The following EVL variants were observed in gnomAD, a reference collection of about 807,000 sequenced individuals.
EVL encodes Enah/Vasp-like.
Under a neutral mutation model 59.6 loss-of-function variants are expected in EVL, and 21 were observed. The ratio of observed to expected loss-of-function variants is 0.35; its 90% confidence interval spans 0.25 to 0.51. The LOEUF is 0.51. Among genes scored for constraint, EVL ranks in the 20% least tolerant of loss-of-function variants. EVL has a pLI of 0.97. For missense variants in EVL, 462 were observed against 546.6 expected (o/e 0.85, Z 1.54); for synonymous variants, 198 against 203.5 (o/e 0.97, Z 0.23).
intron 1 of EVL, among the ~76,000 whole-genome samples, chr14:100,023,236 A>G (rs1190989): frequency 0.37 from 53,035 of 144,940 alleles, 13,194 homozygotes; most frequent in African/African-American, 0.71. Flanking sequence ...ACACAGTCTC[A>G]CTTTGTCACC....
chr14:100,004,128 C>T (rs1217350571), intron 1 of EVL, among the ~76,000 whole-genome samples: 4 of 152,154 alleles, frequency 2.6e-5, no homozygotes, highest in South Asian at 2.1e-4. Flanking sequence ...CACTTGAACC[C>T]GGGAGGCAGA....
chr14:100,075,026 G>C (rs1022136578), intron 1 of EVL: 4 of 152,224 alleles, frequency 2.6e-5, no homozygotes, highest in Non-Finnish European at 4.4e-5. Flanking sequence ...TCTCTGACTT[G>C]ACTCCCTGTG....
chr14:100,066,626 CAG>C (rs1254485321), intron 1 of EVL: 2 of 152,158 alleles, frequency 1.3e-5, no homozygotes, highest in Non-Finnish European at 2.9e-5. Context: ...CTTTAGAAAA[CAG>C]AATGCTTTTC....
At chr14:100,030,389 A>C (rs2061295106) in intron 1 of EVL, among the ~76,000 whole-genome samples, 1 of 152,170 alleles carries the variant, frequency 6.6e-6, no homozygotes, top group South Asian at 2.1e-4. Flanking sequence ...GGCGTGAGCC[A>C]CCGCGCCCGG....
intron 6 of EVL, 53 bp downstream of exon 6, chr14:100,128,801 A>G (rs1888251819): frequency 1.3e-6 from 2 of 1,484,774 alleles, no homozygotes; most frequent in Non-Finnish European, 1.9e-6. Flanking sequence ...CCCTTGTGCC[A>G]TCTGCAGAGC....
chr14:100,071,754 G>A (rs1389182357), intron 1 of EVL, among the ~76,000 whole-genome samples: 1 of 152,170 alleles, frequency 6.6e-6, no homozygotes, highest in Non-Finnish European at 1.5e-5. Flanking sequence ...CCCTGGTAGA[G>A]AGGAGGGGCT....
intron 1 of EVL, among the ~76,000 whole-genome samples, chr14:100,039,766 G>T (rs1434865723): frequency 2.0e-5 from 3 of 152,150 alleles, no homozygotes; most frequent in African/African-American, 7.2e-5. Context: ...TGTCTGGGTG[G>T]TGTGGCTGAC....
intron 1 of EVL, among the ~76,000 whole-genome samples, chr14:99,976,320 G>A (rs527973142): frequency 2.0e-5 from 3 of 152,166 alleles, no homozygotes; most frequent in East Asian, 3.9e-4. Context: ...AGGATTACAG[G>A]CATGAGCCAT....
At chr14:99,989,604 T>A (rs2060862472) in intron 1 of EVL, among the ~76,000 whole-genome samples, 1 of 152,222 alleles carries the variant, frequency 6.6e-6, no homozygotes, top group Non-Finnish European at 1.5e-5. Flanking sequence ...ACATATTTTT[T>A]ATACATCTTT....
intron 1 of EVL, chr14:100,019,681 A>C: frequency 6.5e-7 from 1 of 1,533,538 alleles, no homozygotes; most frequent in South Asian, 1.2e-5. Flanking sequence ...GCATTTGAAG[A>C]ATTCAGGTAT....
intron 1 of EVL, among the ~76,000 whole-genome samples, chr14:99,994,628 T>C (rs1027647982): frequency 4.6e-5 from 7 of 152,206 alleles, no homozygotes; most frequent in African/African-American, 1.2e-4. Context: ...AACAGACTTA[T>C]AGTTACTTTT....
intron 1 of EVL, among the ~76,000 whole-genome samples, chr14:100,033,424 T>G (rs1252979411): frequency 2.0e-5 from 3 of 152,172 alleles, no homozygotes; most frequent in Non-Finnish European, 4.4e-5. Context: ...GCTCCTAAGA[T>G]TCAGAGAGGT....
At chr14:100,121,367 A>G (rs1171667499) in intron 3 of EVL, among the ~76,000 whole-genome samples, 3 of 152,160 alleles carry the variant, frequency 2.0e-5, no homozygotes, top group South Asian at 2.1e-4. Flanking sequence ...CAGGTCTGTC[A>G]CAGTTACCCT....
intron 1 of EVL, among the ~76,000 whole-genome samples, chr14:100,052,287 CTA>C (rs2140249017): frequency 6.6e-6 from 1 of 152,316 alleles, no homozygotes; most frequent in South Asian, 2.1e-4. Flanking sequence ...CAATTATGTT[CTA>C]TGTCAGACCT....
At chr14:100,133,523 G>T (rs563442836) in intron 8 of EVL, among the ~76,000 whole-genome samples, 2 of 152,302 alleles carry the variant, frequency 1.3e-5, no homozygotes, top group South Asian at 2.1e-4. Flanking sequence ...TTACCCTGAG[G>T]CTATAGCCCT....
intron 1 of EVL, among the ~76,000 whole-genome samples, chr14:100,079,554 A>G (rs1035726885): frequency 2.0e-5 from 3 of 152,198 alleles, no homozygotes; most frequent in Non-Finnish European, 2.9e-5. Flanking sequence ...TGCAGGAGCC[A>G]GCCTCTCTCT....
intron 1 of EVL, among the ~76,000 whole-genome samples, chr14:99,993,317 C>T (rs912541896): frequency 6.6e-6 from 1 of 152,134 alleles, no homozygotes; most frequent in Admixed American, 6.5e-5. Context: ...CTTGGCCTCC[C>T]AAAGTGCTAG....
At chr14:100,067,050 TTG>T (rs1241510543) in intron 1 of EVL, among the ~76,000 whole-genome samples, 2 of 152,132 alleles carry the variant, frequency 1.3e-5, no homozygotes, top group African/African-American at 4.8e-5. Flanking sequence ...GGAGCAGAAT[TTG>T]TGTACGGGGA....
chr14:100,093,411 G>T (rs2140314047), intron 2 of EVL, among the ~76,000 whole-genome samples: 1 of 151,992 alleles, frequency 6.6e-6, no homozygotes, highest in Non-Finnish European at 1.5e-5. Flanking sequence ...ATAACGCCAG[G>T]GTTTTAATGC....
Sources: gnomAD v4.1 joint callset for allele counts (sites outside exome capture counted in the v4.1 genomes callset) on GRCh38, gnomAD v4.1.1 for gene constraint, MANE v1.5 for transcripts, NCBI Gene and HGNC (gene_info 2026-07-23, HGNC 2026-07-21) for gene names.